Variants in TRAPPC12 observed in about 807,000 individuals in gnomAD.
TRAPPC12 encodes the protein trafficking protein particle complex subunit 12.
TRAPPC12 carries 61 observed loss-of-function variants against 69.2 expected under a neutral mutation model. That is an observed-to-expected ratio of 0.88 (90% confidence interval 0.72 to 1.09). TRAPPC12 has a LOEUF of 1.09. TRAPPC12 is among the 50% of genes least tolerant of loss of function. The pLI is 0.00. For synonymous variants in TRAPPC12, 469 were observed against 438.9 expected, an observed-to-expected ratio of 1.07 and a Z score of -0.86; for missense variants, 1,101 against 1,016.4, an observed-to-expected ratio of 1.08 and a Z score of -1.13.
intron 1 of TRAPPC12, among the ~76,000 whole-genome samples, chr2:3,383,579 G>C (rs1252600213): frequency 6.6e-6 from 1 of 151,694 alleles, no homozygotes; most frequent in Non-Finnish European, 1.5e-5. Flanking sequence ...GCTAATTTTT[G>C]TATTTTTAGT....
At chr2:3,471,780 T>TAGAGGGTCCTCACTGGGACTTGGGACTG (rs1666072221) in intron 9 of TRAPPC12, among the ~76,000 whole-genome samples, 4 of 152,174 alleles carry the variant, frequency 2.6e-5, no homozygotes, top group African/African-American at 9.7e-5. Context: ...ACTTGGGTCT[T>TAGAGGGTCCTCACTGGGACTTGGGACTG]AGAGGGTCCT....
intron 5 of TRAPPC12, among the ~76,000 whole-genome samples, chr2:3,431,269 T>C (rs1663423403): frequency 6.6e-6 from 1 of 152,206 alleles, no homozygotes; most frequent in African/African-American, 2.4e-5. Flanking sequence ...TTTGGCCCTG[T>C]AGACAGACAG....
chr2:3,473,256 A>T (rs1446690748), intron 9 of TRAPPC12, among the ~76,000 whole-genome samples: 1 of 152,110 alleles, frequency 6.6e-6, no homozygotes, highest in Non-Finnish European at 1.5e-5. Flanking sequence ...CGGGAAGAGG[A>T]GCTGGTGAAG....
intron 3 of TRAPPC12, among the ~76,000 whole-genome samples, chr2:3,411,702 C>T (rs1047806845): frequency 2.0e-5 from 3 of 152,136 alleles, no homozygotes; most frequent in African/African-American, 7.2e-5. Flanking sequence ...ATTTTAATAG[C>T]CACATAATCT....
chr2:3,438,824 A>G (rs1400493004), intron 5 of TRAPPC12, among the ~76,000 whole-genome samples: 3 of 151,946 alleles, frequency 2.0e-5, no homozygotes, highest in Non-Finnish European at 4.4e-5. Context: ...TTATTTATCC[A>G]TTTCTCTGTT....
At chr2:3,460,988 C>T (rs1294666594) in intron 8 of TRAPPC12, 1 of 152,492 alleles carries the variant, frequency 6.6e-6, no homozygotes, top group Non-Finnish European at 1.5e-5. Context: ...GCTGTGCGTA[C>T]TGAGAGCTAC....
chr2:3,408,427 G>T (rs1661849046), intron 3 of TRAPPC12, among the ~76,000 whole-genome samples: 1 of 152,162 alleles, frequency 6.6e-6, no homozygotes, highest in Non-Finnish European at 1.5e-5. Context: ...AGGAGTTCAA[G>T]ACCAGCCTGG....
chr2:3,474,665 C>T (rs1005530020), intron 9 of TRAPPC12, among the ~76,000 whole-genome samples: 3 of 152,272 alleles, frequency 2.0e-5, no homozygotes, highest in Admixed American at 6.5e-5. Flanking sequence ...ATCTGGTTTG[C>T]GTGTGCACAG....
intron 1 of TRAPPC12, among the ~76,000 whole-genome samples, chr2:3,383,871 GTTTTTTTTTTTTTTTTTTTTTTTTTTT>G (rs34956958): frequency 5.8e-5 from 5 of 85,588 alleles, no homozygotes; most frequent in African/African-American, 1.2e-4. Context: ...GTTCAGTCTT[GTTTTTTTTTTTTTTTTTTTTTTTTTTT>G]TTTTTTTTTT....
chr2:3,397,715 A>T (rs1384684604), intron 2 of TRAPPC12, among the ~76,000 whole-genome samples: 1 of 152,238 alleles, frequency 6.6e-6, no homozygotes. Flanking sequence ...ATGTAGGTGG[A>T]ACTTATTATA....
chr2:3,414,929 AAC>A lies in TRAPPC12; in HGVS notation c.1165-6948_1165-6947del, dbSNP rs1662286105. On this transcript the variant is annotated intron_variant, in intron 3 of 11. Coordinates refer to ENST00000324266, the MANE Select transcript of TRAPPC12 (RefSeq NM_016030.6). The surrounding 1 kb of genome is among the most constrained non-coding windows in gnomAD (Gnocchi z 4.9). ...CAGATTCCACCACCCGCAGTTGGGA[AAC>A]ACAGTGAGGTATGCACAGCAACCTT... 6.6e-6 allele frequency among the ~76,000 whole-genome samples: 1 copy of A among 152,170 alleles called. No individual in the cohort carries two copies. The highest frequency in any genetic ancestry group is 2.1e-4 in the South Asian group (1 of 4,828).
At chr2:3,475,168 T>C (rs928164179) in intron 9 of TRAPPC12, among the ~76,000 whole-genome samples, 4 of 152,232 alleles carry the variant, frequency 2.6e-5, no homozygotes, top group African/African-American at 9.6e-5. Flanking sequence ...CAGGTATGAT[T>C]CACTGCAGAA....
At chr2:3,440,322 A>T (rs1313499881) in intron 5 of TRAPPC12, among the ~76,000 whole-genome samples, 1 of 152,232 alleles carries the variant, frequency 6.6e-6, no homozygotes, top group Non-Finnish European at 1.5e-5. Context: ...CTGTCCATGA[A>T]TGTGGAATAT....
At chr2:3,435,619 C>T (rs868300198) in intron 5 of TRAPPC12, among the ~76,000 whole-genome samples, 1 of 152,194 alleles carries the variant, frequency 6.6e-6, no homozygotes, top group South Asian at 2.1e-4. Flanking sequence ...GAGCACAGCT[C>T]AGCTCCACCT....
intron 2 of TRAPPC12, among the ~76,000 whole-genome samples, chr2:3,392,855 C>T (rs1005920239): frequency 3.9e-5 from 6 of 152,246 alleles, no homozygotes; most frequent in Non-Finnish European, 5.9e-5. Flanking sequence ...GAATTGAAAT[C>T]GGGATCTCAG....
chr2:3,460,231 T>C (rs1210680346), intron 7 of TRAPPC12, 32 bp from the exon 8 acceptor site: 3 of 872,932 alleles, frequency 3.4e-6, no homozygotes, highest in Admixed American at 3.4e-5. Flanking sequence ...TCGAATTTAT[T>C]TGTGCACTTA....
chr2:3,415,664 A>G (rs1285180721), intron 3 of TRAPPC12, among the ~76,000 whole-genome samples: 2 of 149,958 alleles, frequency 1.3e-5, no homozygotes, highest in South Asian at 2.1e-4. Flanking sequence ...TCAGCCTCCC[A>G]CAGTGCTGGG....
chr2:3,389,682 G>T (rs1278755008), intron 2 of TRAPPC12: 1 of 471,158 alleles, frequency 2.1e-6, no homozygotes, highest in Non-Finnish European at 4.4e-6. Context: ...GGGGATGGAG[G>T]GTTACAGTGT....
At chr2:3,386,481 G>T (rs1210222397) in intron 1 of TRAPPC12, among the ~76,000 whole-genome samples, 1 of 152,178 alleles carries the variant, frequency 6.6e-6, no homozygotes, top group Non-Finnish European at 1.5e-5. Flanking sequence ...TCTGCGAAAC[G>T]AAGACAGTGA....
Sources: allele counts gnomAD v4.1 joint callset (sites outside exome capture counted in the v4.1 genomes callset), GRCh38; gene constraint gnomAD v4.1.1; non-coding constraint Gnocchi (gnomAD v3.1); transcripts MANE v1.5; gene names NCBI Gene and HGNC (gene_info 2026-07-23, HGNC 2026-07-21).